Variants in EVPL observed in about 807,000 individuals in gnomAD.
EVPL encodes envoplakin.
In EVPL, 94 loss-of-function variants were observed where a neutral mutation model predicts 129.7. The observed-to-expected ratio is 0.72, with a 90% CI of 0.61 to 0.86. The LOEUF is 0.86. Among genes scored for constraint, EVPL ranks in the 40% least tolerant of loss-of-function variants. The pLI, the probability that EVPL is intolerant of heterozygous loss-of-function variation, is 0.00. For synonymous variants in EVPL, 1,172 were observed against 1,191.1 expected (o/e 0.98, Z 0.33); for missense variants, 2,625 against 2,721.1 (o/e 0.96, Z 0.79).
Position 76,019,557 on chromosome 17 carries a change from C to T in EVPL, c.1108G>A (p.Ala370Thr), listed in dbSNP as rs536452403. The part of the protein sequence containing the change: ...YSPAPGGPPG[A>T]PTELLQQLEA... ...AGCTGTTGCAGCAGCTCTGTGGGGGCGCCAGGGGGGCCCCCAGGTGCAGGG... is the reference window on the plus strand; with the variant it reads ...AGCTGTTGCAGCAGCTCTGTGGGGGTGCCAGGGGGGCCCCCAGGTGCAGGG... The change falls in exon 10 of 22, where the codon GCC becomes ACC. Residue 370 changes from alanine (A) to threonine (T), a missense_variant. Physicochemically the swap from Ala to Thr is moderately conservative, Grantham distance 58 (BLOSUM62 0). Transcript: ENST00000301607. 4.3e-5 allele frequency: 67 copies of T among 1,572,562 alleles called. No homozygotes were observed. Among genetic ancestry groups the T allele is most frequent in the Non-Finnish European group, 5.3e-5 (62 of 1,164,128 alleles).
At position 76,006,864 on chromosome 17, in the gene EVPL, G is replaced by A. The variant is rs574542663; in HGVS notation, c.*239C>T. The A allele has an allele frequency of 7.6e-4, 301 of 397,226 alleles. 1 individual carries two copies. The highest frequency in any genetic ancestry group is 2.8e-3 in the African/African-American group (137 of 48,878). 24.6% of individuals were successfully genotyped at this position (397,226 alleles called of 1,614,324 possible). A position where few individuals can be genotyped will look rare whatever the true frequency, so the allele number is the denominator to read the frequency against. On this transcript the variant is annotated 3_prime_UTR_variant, in exon 22 of 22. Transcript: ENST00000301607. ...CACATGGCACGGGGAGACAGAATTC[G>A]TTTATTGGGATCACTGGGTGGAGGT...
chr17:76,016,824 C>G (rs905880852), intron 14 of EVPL, among the ~76,000 whole-genome samples: 39 of 151,964 alleles, frequency 2.6e-4, no homozygotes, highest in African/African-American at 8.2e-4. Context: ...GAGGATCACT[C>G]AAGCCTGGGA....
rs763759763 is a variant in EVPL at position 76,021,592 on chromosome 17, C to CCA, written c.916-31_916-30dup. ...GGTACGGCAGCATGGAGCCCTCGGACCACGCCCCCCCCACGTCCGCCCCAC... is the reference window on the plus strand; with the variant it reads ...GGTACGGCAGCATGGAGCCCTCGGACCACACGCCCCCCCCACGTCCGCCCCAC... On this transcript the variant is annotated intron_variant, in intron 8 of 21. Transcript: ENST00000301607. 18 of 1,463,138 alleles carry CCA rather than the reference C, an allele frequency of 1.2e-5. No homozygotes were observed. The South Asian group carries it at 2.2e-4, about 18-fold the overall frequency. The allele number at this position is 1,463,138 out of a possible 1,614,324, so 90.6% of individuals were successfully genotyped here.
rs770746940 is a variant in EVPL at position 76,021,469 on chromosome 17, C to T, written c.1010G>A (p.Arg337Gln). ...CCTGCCGCCTGCCCGAGGGCTCACC[C>T]GGCGGTAGTCCTCCACGTGCTGCAG... Reference protein sequence around the residue: ...TQLQHVEDYRRFQEEADSVSQ... With the variant: ...TQLQHVEDYRQFQEEADSVSQ... The change falls in exon 9 of 22, where the codon CGG becomes CAG. Residue 337 changes from arginine (R) to glutamine (Q), a missense_variant and splice_region_variant. By Grantham distance (43) the Arg-to-Gln change is conservative (BLOSUM62 1). Around this residue, in one of 4 missense-constraint regions of EVPL, gnomAD observed 1,024 missense variants for 997.5 expected, o/e 1.03. Transcript: ENST00000301607. The T allele has an allele frequency of 4.5e-5, 72 of 1,606,702 alleles. No homozygotes were observed. The highest frequency in any genetic ancestry group is 2.0e-4 in the African/African-American group (15 of 74,740).
Position 76,027,112 on chromosome 17 carries a change from G to C in EVPL, c.87C>G (p.Ser29Arg), listed in dbSNP as rs1461159323. The C allele has an allele frequency of 6.0e-6, 9 of 1,494,208 alleles. No individual in the cohort carries two copies. The Middle Eastern group carries it at 7.1e-4, about 117-fold the overall frequency. 92.6% of individuals were successfully genotyped at this position (1,494,208 alleles called of 1,614,324 possible). A position where few individuals can be genotyped will look rare whatever the true frequency, so the allele number is the denominator to read the frequency against. Residue 29 changes from serine (S) to arginine (R), a missense_variant, in exon 1 of 22, where the codon AGC becomes AGG. Transcript: ENST00000301607. The stretch of plus-strand genomic sequence containing the variant: ...CCAGTCCCACTTACCGGCTGTGCCT[G>C]CTGGGGGAGCCTTTGGGGGACCCCT... ...PAKGSPKGSP[S>R]RHSRAATQEL...
rs1008301158 is a variant in EVPL, at chr17:76,027,022, C to T, written c.98+79G>A. 25 of 870,380 alleles carry T rather than the reference C, an allele frequency of 2.9e-5. No homozygotes were observed. In the Admixed American group the frequency reaches 7.6e-4, roughly 27 times the overall value. 53.9% of individuals were successfully genotyped at this position (870,380 alleles called of 1,614,324 possible). ...GTCCTGGGCTCTGGGCCGCCGCCGC[C>T]GCCAGGTGGCTCAAGGACCTGGGCC... On this transcript the variant is annotated intron_variant, in intron 1 of 21. Transcript: ENST00000301607.
chr17:76,025,218 T>C (rs1052823319), intron 1 of EVPL, among the ~76,000 whole-genome samples: 1 of 152,234 alleles, frequency 6.6e-6, no homozygotes, highest in African/African-American at 2.4e-5. Context: ...TAATTGAATT[T>C]ATCCATCTGA....
chr17:76,010,575 T>C (rs1301293134), intron 21 of EVPL, 32 bp from the exon 22 acceptor site: 1 of 1,574,580 alleles, frequency 6.4e-7, no homozygotes, highest in Admixed American at 1.9e-5. Flanking sequence ...GAGCACGGGG[T>C]GGGCGGTAGA....
intron 14 of EVPL, among the ~76,000 whole-genome samples, chr17:76,016,822 C>G (rs775269034): frequency 3.3e-5 from 5 of 151,974 alleles, no homozygotes; most frequent in Non-Finnish European, 5.9e-5. Flanking sequence ...GGGAGGATCA[C>G]TCAAGCCTGG....
In EVPL at chr17:76,007,354, C is replaced by T; in HGVS notation, c.5851G>A (p.Gly1951Ser). Residue 1951 changes from glycine to serine, a missense_variant, in exon 22 of 22, where the codon GGC becomes AGC. Gly to Ser is a moderately conservative substitution (Grantham distance 56, BLOSUM62 0). Coordinates refer to ENST00000301607, the MANE Select transcript of EVPL (RefSeq NM_001988.4). This position sits in a 1 kb window ranked among gnomAD's most constrained non-coding sequence, Gnocchi z 8.8. Reference sequence around the variant, plus strand: ...AGGGCCTGCTGGATGGGGATGCGGCCTGTCCTCTTGGGGTCGATGAGCCCC... The same window carrying T: ...AGGGCCTGCTGGATGGGGATGCGGCTTGTCCTCTTGGGGTCGATGAGCCCC... ...TGGLIDPKRT[G>S]RIPIQQALLS... 6.3e-7 allele frequency: 1 copy of T among 1,587,144 alleles called. No homozygotes were observed. Among genetic ancestry groups the T allele is most frequent in the Non-Finnish European group, 8.6e-7 (1 of 1,162,580 alleles).
At chr17:76,019,126 T>A in intron 10 of EVPL, 66 bp from the exon 11 acceptor site, 1 of 1,452,258 alleles carries the variant, frequency 6.9e-7, no homozygotes, top group Non-Finnish European at 9.1e-7. Context: ...ACACCATACC[T>A]GTCCTTCAAA....
chr17:76,010,682 G>T, intron 21 of EVPL, 139 bp from the exon 22 acceptor site: 1 of 908,372 alleles, frequency 1.1e-6, no homozygotes, highest in Non-Finnish European at 1.6e-6. Flanking sequence ...GACCTAAGAT[G>T]CTTGGATATA....
chr17:76,007,101 T>A lies in EVPL; in HGVS notation c.*2A>T. 1.4e-6 allele frequency: 2 copies of A among 1,455,390 alleles called. No homozygotes were observed. The highest frequency in any genetic ancestry group is 1.8e-6 in the Non-Finnish European group (2 of 1,103,070). 90.2% of individuals were successfully genotyped at this position (1,455,390 alleles called of 1,614,324 possible). A position where few individuals can be genotyped will look rare whatever the true frequency, so the allele number is the denominator to read the frequency against. On this transcript the variant is annotated 3_prime_UTR_variant, in exon 22 of 22. Transcript: ENST00000301607. This position sits in a 1 kb window ranked among gnomAD's most constrained non-coding sequence, Gnocchi z 8.8. ...ACTTCCCCACTGGCTCCTTGGCCCGTGTCAGCGAAGGGAGCGCGGGACGGT... is the reference window on the plus strand; with the variant it reads ...ACTTCCCCACTGGCTCCTTGGCCCGAGTCAGCGAAGGGAGCGCGGGACGGT...
chr17:76,009,572 A>G lies in EVPL; in HGVS notation c.3633T>C (p.Thr1211=). Residue 1211 remains threonine, a synonymous_variant, in exon 22 of 22, where the codon ACT becomes ACC. Transcript: ENST00000301607. This position sits in a 1 kb window ranked among gnomAD's most constrained non-coding sequence, Gnocchi z 5.9. ...TCTCCTGCAGCTTGGCCTTGAGCCG[A>G]GTGATCTCCTGCTCTGTCTCCGGAT... is the stretch of plus-strand genomic sequence containing the variant. ...QVDPETEQEI[T]RLKAKLQEMA... is the part of the protein sequence containing the mutation. 4.3e-6 allele frequency: 7 copies of G among 1,613,932 alleles called. No homozygotes were observed. The highest frequency in any genetic ancestry group is 4.2e-6 in the Non-Finnish European group (5 of 1,179,988).
rs2066441570 is a variant in EVPL, at chr17:76,019,377, C to T, written c.1137+151G>A. 5.7e-6 allele frequency: 6 copies of T among 1,043,516 alleles called. 1 individual carries two copies. The South Asian group carries it at 9.5e-5, about 17-fold the overall frequency. The allele number at this position is 1,043,516 out of a possible 1,614,324, so 64.6% of individuals were successfully genotyped here. A position where few individuals can be genotyped will look rare whatever the true frequency, so the allele number is the denominator to read the frequency against. ...TGGGAGGAGCTTGCTGGTACCTGGC[C>T]AGCCTCCTGCTAGAGTAAACCCCCC... On this transcript the variant is annotated intron_variant, in intron 10 of 21. Transcript: ENST00000301607.
chr17:76,009,262 T>C lies in EVPL; in HGVS notation c.3943A>G (p.Lys1315Glu). Reference sequence around the variant, plus strand: ...TCCTTCTCGTGGCGCACCACCTCCTTGCTCACCGTCTTGGTCTCCACCTTG... The same window carrying C: ...TCCTTCTCGTGGCGCACCACCTCCTCGCTCACCGTCTTGGTCTCCACCTTG... ...RAKVETKTVSKEVVRHEKDPV... is the reference protein window; with the variant it reads ...RAKVETKTVSEEVVRHEKDPV... Residue 1315 changes from lysine (K) to glutamate (E), a missense_variant, in exon 22 of 22, where the codon AAG becomes GAG. By Grantham distance (56) the Lys-to-Glu change is moderately conservative. This residue lies in a region of EVPL where 1,453 missense variants were observed against 1,511.8 expected (regional missense o/e 0.96). Transcript: ENST00000301607. The surrounding 1 kb of genome is among the most constrained non-coding windows in gnomAD (Gnocchi z 5.9). 6.2e-7 allele frequency: 1 copy of C among 1,607,662 alleles called. No homozygotes were observed. The highest frequency in any genetic ancestry group is 2.2e-5 in the East Asian group (1 of 44,870).
In EVPL at chr17:76,014,932, C is replaced by T. The variant is rs746195602; in HGVS notation, c.2206G>A (p.Asp736Asn). ...GTCGCTCACCGCAGGTCCAGCTGGTCCCCTACGGCGTGGTAGCGGTCGGTG... is the reference window on the plus strand; with the variant it reads ...GTCGCTCACCGCAGGTCCAGCTGGTTCCCTACGGCGTGGTAGCGGTCGGTG... Reference protein sequence around the residue: ...ALTDRYHAVGDQLDLREKVVQ... With the variant: ...ALTDRYHAVGNQLDLREKVVQ... Residue 736 changes from aspartate to asparagine, a missense_variant, in exon 17 of 22, where the codon GAC becomes AAC. By Grantham distance (23) the Asp-to-Asn change is conservative. Transcript: ENST00000301607. 1 of 1,586,168 alleles carries T rather than the reference C, an allele frequency of 6.3e-7. No homozygotes were observed. The highest frequency in any genetic ancestry group is 8.6e-7 in the Non-Finnish European group (1 of 1,165,678).
Position 76,015,525 on chromosome 17 carries a change from T to G in EVPL, c.1814A>C (p.Gln605Pro). 1.2e-6 allele frequency: 2 copies of G among 1,612,944 alleles called. No individual in the cohort carries two copies. The highest frequency in any genetic ancestry group is 8.5e-7 in the Non-Finnish European group (1 of 1,180,024). ...CACGCTGTTGAGGGCTACGGGCAGCTGCAGGGCAGCGGGGCCCACGGGCCG... is the reference window on the plus strand; with the variant it reads ...CACGCTGTTGAGGGCTACGGGCAGCGGCAGGGCAGCGGGGCCCACGGGCCG... Reference protein sequence around the residue: ...STRPVGPAALQLPVALNSVKN... With the variant: ...STRPVGPAALPLPVALNSVKN... The change falls in exon 15 of 22, where the codon CAG becomes CCG. Residue 605 changes from glutamine to proline, a missense_variant. Gln to Pro is a moderately conservative substitution (Grantham distance 76). Transcript: ENST00000301607.
rs148808819 is a variant in EVPL at position 76,008,726 on chromosome 17, G to A, written c.4479C>T (p.Thr1493=). The A allele has an allele frequency of 5.4e-5, 87 of 1,613,838 alleles. No homozygotes were observed. The South Asian group carries it at 8.3e-4, about 15-fold the overall frequency. Residue 1493 remains threonine, a synonymous_variant, in exon 22 of 22, where the codon ACC becomes ACT. Coordinates refer to ENST00000301607, the MANE Select transcript of EVPL (RefSeq NM_001988.4). The surrounding 1 kb of genome is among the most constrained non-coding windows in gnomAD (Gnocchi z 7.4). ...WDLDQEKTQV[T]ELNRECKNLQ... ...GGTTCTTGCACTCCCGATTCAGCTC[G>A]GTTACCTGGGTCTTCTCCTGGTCCA... is the stretch of plus-strand genomic sequence containing the variant.
Sources: gnomAD v4.1 joint callset for allele counts (sites outside exome capture counted in the v4.1 genomes callset) on GRCh38, gnomAD v4.1.1 for gene constraint, gnomAD v4.1.1 regional missense constraint, Gnocchi (gnomAD v3.1) non-coding constraint, MANE v1.5 for transcripts, NCBI Gene and HGNC (gene_info 2026-07-23, HGNC 2026-07-21) for gene names.